Variants in EMCN observed in about 807,000 individuals in gnomAD.
EMCN encodes MUC-14.
Under a neutral mutation model 38.4 loss-of-function variants are expected in EMCN, and 37 were observed. That is an observed-to-expected ratio of 0.96 (90% CI 0.74 to 1.27). EMCN has a LOEUF of 1.27. EMCN is among the 50% of genes most tolerant of loss of function. EMCN has a pLI of 0.00. For missense variants in EMCN, 318 were observed against 302.8 expected (o/e 1.05, Z -0.37); for synonymous variants, 95 against 100.8 (o/e 0.94, Z 0.35).
intron 11 of EMCN, among the ~76,000 whole-genome samples, chr4:100,408,566 C>G (rs1049950250): frequency 2.0e-5 from 3 of 152,164 alleles, no homozygotes; most frequent in African/African-American, 7.2e-5. Context: ...TAGATAGGCT[C>G]TTACCCAGCC....
At chr4:100,401,049 C>A (rs1726244410) in intron 11 of EMCN, among the ~76,000 whole-genome samples, 1 of 151,918 alleles carries the variant, frequency 6.6e-6, no homozygotes, top group African/African-American at 2.4e-5. Flanking sequence ...TAATATGTTT[C>A]TTTAACACTA....
chr4:100,485,760 C>T (rs1186747303), intron 1 of EMCN, among the ~76,000 whole-genome samples: 3 of 151,982 alleles, frequency 2.0e-5, no homozygotes, highest in Non-Finnish European at 4.4e-5. Context: ...TGCTCCTTCT[C>T]TTTTGATATG....
chr4:100,490,927 C>T (rs1236982457), intron 1 of EMCN, among the ~76,000 whole-genome samples: 1 of 152,124 alleles, frequency 6.6e-6, no homozygotes, highest in African/African-American at 2.4e-5. Context: ...CGACATTGAG[C>T]ATTTTTTCAT....
intron 2 of EMCN, 57 bp downstream of exon 2, chr4:100,479,860 C>A (rs1728759762): frequency 1.4e-6 from 2 of 1,427,964 alleles, no homozygotes; most frequent in African/African-American, 1.4e-5. Flanking sequence ...GATGTATATA[C>A]ATACTACTAA....
chr4:100,509,275 T>C (rs183795964), intron 1 of EMCN, among the ~76,000 whole-genome samples: 1 of 152,288 alleles, frequency 6.6e-6, no homozygotes, highest in East Asian at 1.9e-4. Flanking sequence ...ATAAAACTTG[T>C]ACCCAACAAA....
intron 1 of EMCN, among the ~76,000 whole-genome samples, chr4:100,501,495 A>G (rs1729348888): frequency 6.6e-6 from 1 of 152,138 alleles, no homozygotes; most frequent in Admixed American, 6.6e-5. Flanking sequence ...GACTCTATAA[A>G]TGGTAGAGTT....
At chr4:100,401,810 C>T (rs1726267751) in intron 11 of EMCN, among the ~76,000 whole-genome samples, 2 of 152,098 alleles carry the variant, frequency 1.3e-5, no homozygotes, top group Non-Finnish European at 2.9e-5. Flanking sequence ...TCTGAAACCC[C>T]CTTCACTCTT....
At chr4:100,424,796 T>C (rs1726997719) in intron 5 of EMCN, among the ~76,000 whole-genome samples, 1 of 152,104 alleles carries the variant, frequency 6.6e-6, no homozygotes, top group Non-Finnish European at 1.5e-5. Context: ...ATGAATGCTC[T>C]TTCAGTTTTC....
intron 1 of EMCN, among the ~76,000 whole-genome samples, chr4:100,486,496 A>G (rs1728946443): frequency 6.6e-6 from 1 of 152,256 alleles, no homozygotes; most frequent in Non-Finnish European, 1.5e-5. Flanking sequence ...TATTGTAGCA[A>G]GCACAACAGT....
At chr4:100,422,553 G>A (rs768581240) in intron 7 of EMCN, among the ~76,000 whole-genome samples, 2 of 151,674 alleles carry the variant, frequency 1.3e-5, no homozygotes, top group Non-Finnish European at 2.9e-5. Flanking sequence ...GTTCTATGAA[G>A]GCAAACAATT....
intron 1 of EMCN, among the ~76,000 whole-genome samples, chr4:100,509,681 T>C (rs988222626): frequency 6.6e-6 from 1 of 152,192 alleles, no homozygotes; most frequent in Non-Finnish European, 1.5e-5. Context: ...TACAAATGGT[T>C]TTCCGTGTTT....
At chr4:100,439,002 G>A (rs1727431627) in intron 5 of EMCN, among the ~76,000 whole-genome samples, 1 of 151,976 alleles carries the variant, frequency 6.6e-6, no homozygotes, top group Admixed American at 6.6e-5. Context: ...GTTGGGTTTA[G>A]TTTAATCCTC....
intron 1 of EMCN, among the ~76,000 whole-genome samples, chr4:100,489,147 A>G (rs1024531576): frequency 6.6e-6 from 1 of 151,948 alleles, no homozygotes; most frequent in African/African-American, 2.4e-5. Flanking sequence ...AATTCAGGTG[A>G]TCTAGTCTCA....
intron 5 of EMCN, among the ~76,000 whole-genome samples, chr4:100,433,264 G>A (rs1727252393): frequency 1.3e-5 from 2 of 152,056 alleles, no homozygotes; most frequent in Admixed American, 1.3e-4. Context: ...TGTCCTCCAT[G>A]TTCATCCATG....
chr4:100,404,743 G>T (rs1726347517), intron 11 of EMCN, among the ~76,000 whole-genome samples: 1 of 152,042 alleles, frequency 6.6e-6, no homozygotes, highest in South Asian at 2.1e-4. Context: ...TTCTAATTCT[G>T]TGAAAAATGT....
At chr4:100,514,024 AATTGCTTCTCT>A (rs1729693271) in intron 1 of EMCN, among the ~76,000 whole-genome samples, 1 of 152,110 alleles carries the variant, frequency 6.6e-6, no homozygotes, top group African/African-American at 2.4e-5. Context: ...AAGAAGGATA[AATTGCTTCTCT>A]ATGTTATTAA....
At chr4:100,497,246 TA>T (rs749473979) in intron 1 of EMCN, among the ~76,000 whole-genome samples, 2,264 of 129,798 alleles carry the variant, frequency 0.017, 37 homozygotes, top group African/African-American at 0.042. Context: ...TTGTTACTAT[TA>T]AAAAAAAAAA....
intron 4 of EMCN, among the ~76,000 whole-genome samples, chr4:100,462,390 A>G (rs1728204613): frequency 6.6e-6 from 1 of 152,172 alleles, no homozygotes; most frequent in African/African-American, 2.4e-5. Context: ...AAGTGGAATT[A>G]AAAGTCTTAA....
chr4:100,427,441 TTCTC>T (rs200464024), intron 5 of EMCN, among the ~76,000 whole-genome samples: 1 of 145,958 alleles, frequency 6.9e-6, no homozygotes. Flanking sequence ...CCAGCTAATT[TTCTC>T]TCTCTCTCTT....
Sources: allele counts gnomAD v4.1 joint callset (sites outside exome capture counted in the v4.1 genomes callset), GRCh38; gene constraint gnomAD v4.1.1; transcripts MANE v1.5; gene names NCBI Gene and HGNC (gene_info 2026-07-23, HGNC 2026-07-21).